Variants in SCML4 observed in about 807,000 individuals in gnomAD.
SCML4 encodes sex comb on midleg-like protein 4.
In SCML4, 34 loss-of-function variants were observed where a neutral mutation model predicts 41.1. The observed-to-expected ratio is 0.83, with a 90% CI of 0.63 to 1.10. SCML4 has a LOEUF of 1.10. Ranked by LOEUF, SCML4 falls within the 50% of genes least tolerant of loss-of-function variation. The pLI is 0.00. For missense variants in SCML4, 522 were observed against 534.1 expected (o/e 0.98, Z 0.22); for synonymous variants, 214 against 220.9 (o/e 0.97, Z 0.28).
Position 107,703,781 on chromosome 6 carries a change from C to A in SCML4, c.*1419G>T, listed in dbSNP as rs1299506537. Among the ~76,000 whole-genome samples, 1 of 152,232 alleles carries A rather than the reference C, an allele frequency of 6.6e-6. No individual in the cohort carries two copies. The highest frequency in any genetic ancestry group is 1.9e-4 in the East Asian group (1 of 5,204). ...CTGAGTCATCCCTAACCCTCTCCCT[C>A]CCAGAAATTCCAAAATCTAATGTTC... On this transcript the variant is annotated 3_prime_UTR_variant, in exon 8 of 8. Transcript: ENST00000369020.
rs150884228 is a variant in SCML4, at chr6:107,808,343, A to G, written c.-60+15783T>C. The stretch of plus-strand genomic sequence containing the variant: ...AGAGAAGGTGAAGGTTCTAAACACT[A>G]TATATAAAGATGGCACCAAGGCAGT... On this transcript the variant is annotated intron_variant, in intron 1 of 7. Coordinates refer to ENST00000369020, the MANE Select transcript of SCML4 (RefSeq NM_198081.5). Among the ~76,000 whole-genome samples the G allele has an allele frequency of 1.6e-3, 245 of 152,282 alleles. 1 individual carries two copies. Among genetic ancestry groups the G allele is most frequent in the African/African-American group, 5.7e-3 (237 of 41,576 alleles).
intron 1 of SCML4, among the ~76,000 whole-genome samples, chr6:107,802,634 G>GGAAA (rs747618410): frequency 6.9e-4 from 80 of 115,392 alleles, no homozygotes; most frequent in African/African-American, 3.0e-3. Flanking sequence ...AAGGAAGGAA[G>GGAAA]GAAAGAAAAT....
intron 1 of SCML4, among the ~76,000 whole-genome samples, chr6:107,817,048 G>A (rs1784590942): frequency 6.6e-6 from 1 of 152,100 alleles, no homozygotes; most frequent in South Asian, 2.1e-4. Flanking sequence ...TCCGTAACCT[G>A]TGTTATCTGC....
At chr6:107,822,994 C>A (rs76312566) in intron 1 of SCML4, among the ~76,000 whole-genome samples, 2,698 of 134,390 alleles carry the variant, frequency 0.02, 48 homozygotes, top group Non-Finnish European at 0.03. Flanking sequence ...TGCTTTCACT[C>A]CAGATATTCT....
chr6:107,833,899 A>G, the SCML4 span, among the ~76,000 whole-genome samples: 2 of 152,144 alleles, frequency 1.3e-5, no homozygotes, highest in African/African-American at 4.8e-5. Context: ...CAGGGATGCT[A>G]AGACTGGTGT....
intron 2 of SCML4, among the ~76,000 whole-genome samples, chr6:107,754,507 G>A (rs1190729658): frequency 1.3e-5 from 2 of 152,170 alleles, no homozygotes; most frequent in East Asian, 1.9e-4. Flanking sequence ...GTGATGGAGA[G>A]GCTGGTGGTG....
chr6:107,775,287 G>A (rs577116977), intron 1 of SCML4, among the ~76,000 whole-genome samples: 2 of 152,308 alleles, frequency 1.3e-5, no homozygotes, highest in African/African-American at 4.8e-5. Context: ...TCCTTCCTCA[G>A]TTAACTCAAG....
At chr6:107,801,622 A>G (rs1305814476) in intron 1 of SCML4, among the ~76,000 whole-genome samples, 1 of 152,152 alleles carries the variant, frequency 6.6e-6, no homozygotes, top group African/African-American at 2.4e-5. Context: ...TCTACATCCT[A>G]ACTGGAAGCA....
At chr6:107,724,567 C>G (rs1282964421) in intron 5 of SCML4, among the ~76,000 whole-genome samples, 1 of 152,036 alleles carries the variant, frequency 6.6e-6, no homozygotes, top group Non-Finnish European at 1.5e-5. Context: ...ATAGGAATAA[C>G]TTTAACAAAA....
rs1260250908 is a variant in SCML4, at chr6:107,772,339, C to T, written c.-12G>A. Reference sequence around the variant, plus strand: ...CTTTGAGACTGCATTTCTGCTGGTGCCAGTCTTACAGAATGAGGTGACAAA... The same window carrying T: ...CTTTGAGACTGCATTTCTGCTGGTGTCAGTCTTACAGAATGAGGTGACAAA... On this transcript the variant is annotated 5_prime_UTR_variant, in exon 2 of 8. Transcript: ENST00000369020. The T allele has an allele frequency of 6.5e-7, 1 of 1,547,440 alleles. No individual in the cohort carries two copies.
intron 1 of SCML4, among the ~76,000 whole-genome samples, chr6:107,792,952 T>C (rs1490661652): frequency 6.6e-6 from 1 of 151,968 alleles, no homozygotes; most frequent in Non-Finnish European, 1.5e-5. Context: ...ATATCTGGAG[T>C]TTTCCACTTG....
chr6:107,720,620 TC>T lies in SCML4; in HGVS notation c.973+82del, dbSNP rs777603414. On this transcript the variant is annotated intron_variant, in intron 6 of 7. Coordinates refer to ENST00000369020, the MANE Select transcript of SCML4 (RefSeq NM_198081.5). Reference sequence around the variant, plus strand: ...CAGTCCCACGTTTAAACAGCCACACTCCCCCTTCCCCAGATGCTGTGCTCCC... The same window carrying T: ...CAGTCCCACGTTTAAACAGCCACACTCCCCTTCCCCAGATGCTGTGCTCCC... 6 of 1,448,362 alleles carry T rather than the reference TC, an allele frequency of 4.1e-6. No homozygotes were observed. The Admixed American group carries it at 1.0e-4, about 24-fold the overall frequency. 89.7% of individuals were successfully genotyped at this position (1,448,362 alleles called of 1,614,324 possible).
In SCML4 at chr6:107,720,518, T is replaced by C. The variant is rs561623723; in HGVS notation, c.973+185A>G. On this transcript the variant is annotated intron_variant, in intron 6 of 7. Coordinates refer to ENST00000369020, the MANE Select transcript of SCML4 (RefSeq NM_198081.5). ...GCCCTAATACACGATTTTCTTTGCT[T>C]ATCAAAGGTTGAGTTTGGCTGTTTT... 2.8e-5 allele frequency: 38 copies of C among 1,380,102 alleles called. No homozygotes were observed. In the East Asian group the frequency reaches 3.9e-4, roughly 14 times the overall value. The allele number at this position is 1,380,102 out of a possible 1,614,324, so 85.5% of individuals were successfully genotyped here. A position where few individuals can be genotyped will look rare whatever the true frequency, so the allele number is the denominator to read the frequency against.
chr6:107,797,859 T>G (rs1332453155), intron 1 of SCML4, among the ~76,000 whole-genome samples: 1 of 152,020 alleles, frequency 6.6e-6, no homozygotes, highest in Non-Finnish European at 1.5e-5. Context: ...TGCAAATGCA[T>G]TGTCTACATC....
In SCML4 at chr6:107,779,741, C is replaced by T. The variant is rs571815490; in HGVS notation, c.-59-7355G>A. Among the ~76,000 whole-genome samples the T allele has an allele frequency of 3.3e-5, 5 of 152,278 alleles. No individual in the cohort carries two copies. In the East Asian group the frequency reaches 9.6e-4, roughly 29 times the overall value. On this transcript the variant is annotated intron_variant, in intron 1 of 7. Transcript: ENST00000369020. ...TTCTGCCAGCAGTTTCATCCTAATGCTCGTGTGTCTGCAAGCTGCTTAGGG... is the reference window on the plus strand; with the variant it reads ...TTCTGCCAGCAGTTTCATCCTAATGTTCGTGTGTCTGCAAGCTGCTTAGGG...
At chr6:107,827,823 G>A (rs1381518970), upstream of SCML4, among the ~76,000 whole-genome samples, 3 of 152,212 alleles carry the variant, frequency 2.0e-5, no homozygotes, top group Non-Finnish European at 4.4e-5. Context: ...TCTACTTAGA[G>A]TAGCCTCCAT....
intron 2 of SCML4, among the ~76,000 whole-genome samples, chr6:107,754,575 C>T (rs1049882726): frequency 2.0e-5 from 3 of 152,188 alleles, no homozygotes; most frequent in African/African-American, 7.2e-5. Flanking sequence ...CTAAATCCTC[C>T]TTCACAAGCT....
chr6:107,813,701 G>C (rs757430537), intron 1 of SCML4, among the ~76,000 whole-genome samples: 1 of 152,058 alleles, frequency 6.6e-6, no homozygotes, highest in African/African-American at 2.4e-5. Flanking sequence ...TACATGCTGC[G>C]GTTATCAGTC....
At position 107,733,388 on chromosome 6, in the gene SCML4, ATGTT is replaced by A. The variant is rs372023990; in HGVS notation, c.682+11557_682+11560del. Reference sequence around the variant, plus strand: ...TGCCCACTTCTCTGCCAGGGAGTTTATGTTTGTTTGTTGTAGTTTTTTTCAGCAA... The same window carrying A: ...TGCCCACTTCTCTGCCAGGGAGTTTATGTTTGTTGTAGTTTTTTTCAGCAA... On this transcript the variant is annotated intron_variant, in intron 5 of 7. Transcript: ENST00000369020. Among the ~76,000 whole-genome samples the A allele has an allele frequency of 3.0e-4, 45 of 152,270 alleles. No homozygotes were observed. The East Asian group carries it at 7.7e-3, about 26-fold the overall frequency.
Sources: gnomAD v4.1 joint callset for allele counts (sites outside exome capture counted in the v4.1 genomes callset) on GRCh38, gnomAD v4.1.1 for gene constraint, MANE v1.5 for transcripts, NCBI Gene and HGNC (gene_info 2026-07-23, HGNC 2026-07-21) for gene names.